Variants in APC observed in about 807,000 individuals in gnomAD.
APC encodes adenomatous polyposis coli protein.
A neutral mutation model predicts 247.0 loss-of-function variants in APC; 72 were observed. The ratio of observed to expected loss-of-function variants is 0.29; its 90% CI spans 0.24 to 0.35. The LOEUF (loss-of-function observed/expected upper bound fraction) is 0.35, where lower values mean the gene tolerates loss of function less well. Ranked by LOEUF, APC falls within the 10% of genes least tolerant of loss-of-function variation. APC has a pLI of 1.00. For missense variants in APC, 3,400 were observed against 3,360.7 expected (o/e 1.01, Z -0.29); for synonymous variants, 1,254 against 1,162.5 (o/e 1.08, Z -1.60).
At chr5:112,829,215 T>G (rs548336674) in intron 14 of APC, 10 of 383,830 alleles carry the variant, frequency 2.6e-5, no homozygotes, top group Middle Eastern at 1.7e-3. Context: ...CTTGGCTCAC[T>G]GCAACCTCCG....
rs137854568 is a variant in APC, at chr5:112,815,564, C to G, written c.904C>G (p.Arg302Gly). The change falls in exon 9 of 16, where the codon CGA becomes GGA. Residue 302 changes from arginine to glycine, a missense_variant. Arg to Gly is a moderately radical substitution (Grantham distance 125). Transcript: ENST00000257430. ...LSSSSTHSAP[R>G]RLTSHLGTKV... ...TTCTAGTAGCACACACTCTGCACCT[C>G]GAAGGCTGACAAGTCATCTGGGAAC... 1 of 1,611,772 alleles carries G rather than the reference C, an allele frequency of 6.2e-7. No individual in the cohort carries two copies. Among genetic ancestry groups the G allele is most frequent in the Non-Finnish European group, 8.5e-7 (1 of 1,178,492 alleles).
rs2149737078 is a variant in APC, at chr5:112,754,885, C to T, written c.-6C>T. 1.2e-6 allele frequency: 2 copies of T among 1,613,568 alleles called. No homozygotes were observed. Among genetic ancestry groups the T allele is most frequent in the Non-Finnish European group, 1.7e-6 (2 of 1,179,652 alleles). On this transcript the variant is annotated 5_prime_UTR_variant, in exon 2 of 16. Coordinates refer to ENST00000257430, the MANE Select transcript of APC (RefSeq NM_000038.6). ...TTTAACCTTATAGGTCCAAGGGTAG[C>T]CAAGGATGGCTGCAGCTTCATATGA... is the stretch of plus-strand genomic sequence containing the variant.
intron 1 of APC, among the ~76,000 whole-genome samples, chr5:112,720,857 A>G (rs937033780): frequency 1.3e-5 from 2 of 152,196 alleles, no homozygotes; most frequent in African/African-American, 2.4e-5. Context: ...TGGTACAGGC[A>G]CGTAAAAGTG....
chr5:112,836,580 G>A (rs1220762449), intron 15 of APC, among the ~76,000 whole-genome samples: 1 of 152,158 alleles, frequency 6.6e-6, no homozygotes, highest in Non-Finnish European at 1.5e-5. Flanking sequence ...GCTCTTTCAT[G>A]TCCAGAGTTC....
At chr5:112,821,840 C>T (rs1328706288) in intron 10 of APC, 56 bp from the exon 11 acceptor site, 14 of 1,372,890 alleles carry the variant, frequency 1.0e-5, no homozygotes, top group African/African-American at 1.4e-5. Flanking sequence ...GTACAATAAA[C>T]ATCATTGCTC....
chr5:112,776,255 G>A (rs1435072811), intron 5 of APC, among the ~76,000 whole-genome samples: 1 of 152,180 alleles, frequency 6.6e-6, no homozygotes, highest in African/African-American at 2.4e-5. Flanking sequence ...ACAGTATGCA[G>A]TTGAATAACA....
chr5:112,805,096 T>A (rs1415564083), intron 8 of APC, among the ~76,000 whole-genome samples: 3 of 152,130 alleles, frequency 2.0e-5, no homozygotes, highest in African/African-American at 7.2e-5. Context: ...TGTGGGAGAA[T>A]GTTCTTTAAA....
chr5:112,778,673 A>G (rs1348521305), intron 5 of APC, among the ~76,000 whole-genome samples: 1 of 108,964 alleles, frequency 9.2e-6, no homozygotes, highest in African/African-American at 3.2e-5. Context: ...CAGCCTCCCA[A>G]GTAGCTGGGA....
Position 112,766,380 on chromosome 5 carries a change from G to A in APC, c.190G>A (p.Gly64Arg), listed in dbSNP as rs79323615. The A allele has an allele frequency of 6.2e-7, 1 of 1,612,124 alleles. No individual in the cohort carries two copies. Among genetic ancestry groups the A allele is most frequent in the African/African-American group, 1.3e-5 (1 of 74,962 alleles). Residue 64 changes from glycine (G) to arginine (R), a missense_variant, in exon 3 of 16, where the codon GGA becomes AGA. Gly to Arg is a moderately radical substitution (Grantham distance 125). Coordinates refer to ENST00000257430, the MANE Select transcript of APC (RefSeq NM_000038.6). Reference protein sequence around the residue: ...SIEDEAMASSGQIDLLERLKE... With the variant: ...SIEDEAMASSRQIDLLERLKE... ...TGAAGATGAAGCTATGGCTTCTTCT[G>A]GACAGATTGATTTATTAGAGCGTCT...
chr5:112,799,255 C>T (rs564373010), intron 7 of APC, among the ~76,000 whole-genome samples: 1 of 151,586 alleles, frequency 6.6e-6, no homozygotes, highest in African/African-American at 2.4e-5. Context: ...TGATCTGTTC[C>T]TCCTAAGCCC....
intron 2 of APC, among the ~76,000 whole-genome samples, chr5:112,764,722 A>G (rs756970385): frequency 2.6e-5 from 4 of 152,202 alleles, no homozygotes; most frequent in Non-Finnish European, 5.9e-5. Context: ...GTGAGACCGG[A>G]AGCCTGAGAA....
chr5:112,825,687 A>G (rs535742852), intron 11 of APC, among the ~76,000 whole-genome samples: 12 of 152,344 alleles, frequency 7.9e-5, no homozygotes, highest in African/African-American at 2.4e-4. Context: ...CCCTGTCTCT[A>G]CCAAAATAAA....
intron 4 of APC, among the ~76,000 whole-genome samples, chr5:112,773,518 CCTGT>C (rs943916121): frequency 6.6e-6 from 1 of 152,130 alleles, no homozygotes; most frequent in African/African-American, 2.4e-5. Context: ...TTACTGATTG[CCTGT>C]CTATTGACCT....
At chr5:112,813,853 C>T (rs947443026) in intron 8 of APC, among the ~76,000 whole-genome samples, 3 of 152,116 alleles carry the variant, frequency 2.0e-5, no homozygotes, top group African/African-American at 4.8e-5. Context: ...TCCCCTTGTA[C>T]CCTCTAGAGT....
intron 1 of APC, among the ~76,000 whole-genome samples, chr5:112,722,148 A>G (rs545991335): frequency 6.6e-6 from 1 of 152,328 alleles, no homozygotes; most frequent in East Asian, 1.9e-4. Context: ...AAGAGTTTGA[A>G]GTTACAGGGG....
At chr5:112,724,512 A>G (rs957161119) in intron 1 of APC, among the ~76,000 whole-genome samples, 2 of 152,066 alleles carry the variant, frequency 1.3e-5, no homozygotes, top group African/African-American at 4.8e-5. Flanking sequence ...TCTTGTCCTC[A>G]AACAGCTTTT....
chr5:112,844,986 C>G lies in APC; in HGVS notation c.*860C>G. On this transcript the variant is annotated 3_prime_UTR_variant, in exon 16 of 16. Coordinates refer to ENST00000257430, the MANE Select transcript of APC (RefSeq NM_000038.6). ...AATTATTGCTGTATGTAAACTGTTA[C>G]TGAAATTGGTATTTGTTTGAAGGGT... is the stretch of plus-strand genomic sequence containing the variant. 4.3e-6 allele frequency: 1 copy of G among 232,326 alleles called. No individual in the cohort carries two copies. The highest frequency in any genetic ancestry group is 8.5e-6 in the Non-Finnish European group (1 of 117,254). 14.4% of individuals were successfully genotyped at this position (232,326 alleles called of 1,614,324 possible).
intron 8 of APC, among the ~76,000 whole-genome samples, chr5:112,807,079 G>A (rs1314130902): frequency 6.6e-6 from 1 of 150,740 alleles, no homozygotes; most frequent in East Asian, 2.0e-4. Flanking sequence ...GTTGCAGTGA[G>A]TTGAGATTGT....
intron 1 of APC, among the ~76,000 whole-genome samples, chr5:112,714,681 GTATT>G (rs1751054978): frequency 6.6e-6 from 1 of 152,126 alleles, no homozygotes. Flanking sequence ...GATTTTACAA[GTATT>G]TATTTAGTAT....
Sources: allele counts gnomAD v4.1 joint callset (sites outside exome capture counted in the v4.1 genomes callset), GRCh38; gene constraint gnomAD v4.1.1; transcripts MANE v1.5; gene names NCBI Gene and HGNC (gene_info 2026-07-23, HGNC 2026-07-21).